Variants in NAA35 observed in about 807,000 individuals in gnomAD.
NAA35 encodes the protein MAK10 homolog, amino-acid N-acetyltransferase subunit.
Under a neutral mutation model 101.7 loss-of-function variants are expected in NAA35, and 18 were observed. That is an observed-to-expected ratio of 0.18 (90% CI 0.12 to 0.26). The LOEUF is 0.26. Among genes scored for constraint, NAA35 ranks in the 10% least tolerant of loss-of-function variants. NAA35 has a pLI of 1.00. For missense variants in NAA35, 601 were observed against 886.8 expected, an observed-to-expected ratio of 0.68 and a Z score of 4.09; for synonymous variants, 267 against 273.1, an observed-to-expected ratio of 0.98 and a Z score of 0.22.
At chr9:86,004,157 T>C (rs1327381401) in intron 13 of NAA35, among the ~76,000 whole-genome samples, 1 of 152,172 alleles carries the variant, frequency 6.6e-6, no homozygotes, top group Non-Finnish European at 1.5e-5. Context: ...CAGGCTGGAG[T>C]GCAGTGGCAT....
At chr9:85,944,449 G>C (rs1828668202) in intron 2 of NAA35, among the ~76,000 whole-genome samples, 1 of 152,220 alleles carries the variant, frequency 6.6e-6, no homozygotes. Flanking sequence ...CCAGATTTGG[G>C]CGTTAAGGCC....
chr9:85,974,329 C>T (rs560861685), intron 6 of NAA35, among the ~76,000 whole-genome samples: 1 of 152,220 alleles, frequency 6.6e-6, no homozygotes, highest in South Asian at 2.1e-4. Context: ...ACTTGTTAAT[C>T]AAATCAGCCA....
At chr9:85,942,335 C>G in intron 2 of NAA35, 52 bp downstream of exon 2, 1 of 1,590,570 alleles carries the variant, frequency 6.3e-7, no homozygotes, top group Non-Finnish European at 8.5e-7. Context: ...GGTAGAATGA[C>G]GATTGTGCTT....
intron 16 of NAA35, 50 bp downstream of exon 16, chr9:86,013,194 T>C: frequency 8.7e-7 from 1 of 1,148,982 alleles, no homozygotes; most frequent in Non-Finnish European, 1.3e-6. Flanking sequence ...GCACACACTT[T>C]GTCCAGATTT....
chr9:86,019,599 A>C (rs1832422525), intron 21 of NAA35, among the ~76,000 whole-genome samples: 1 of 152,212 alleles, frequency 6.6e-6, no homozygotes, highest in South Asian at 2.1e-4. Flanking sequence ...ATATCAAAAT[A>C]AACTTGGAAA....
chr9:86,008,706 G>T (rs1487384556), intron 14 of NAA35, among the ~76,000 whole-genome samples: 1 of 152,298 alleles, frequency 6.6e-6, no homozygotes, highest in African/African-American at 2.4e-5. Flanking sequence ...AAACTTTATT[G>T]TGTGGTAGTC....
At chr9:85,962,571 A>G (rs1829567818) in intron 6 of NAA35, among the ~76,000 whole-genome samples, 1 of 151,812 alleles carries the variant, frequency 6.6e-6, no homozygotes, top group Non-Finnish European at 1.5e-5. Flanking sequence ...TATTTAAATG[A>G]TTTTGTGATA....
intron 10 of NAA35, among the ~76,000 whole-genome samples, chr9:85,977,807 T>G (rs1830276232): frequency 6.6e-6 from 1 of 152,130 alleles, no homozygotes; most frequent in Non-Finnish European, 1.5e-5. Flanking sequence ...ATGGTGAATA[T>G]TTTTTCCTTT....
At chr9:85,999,765 C>A (rs925540096) in intron 12 of NAA35, among the ~76,000 whole-genome samples, 8 of 152,158 alleles carry the variant, frequency 5.3e-5, no homozygotes, top group African/African-American at 9.7e-5. Context: ...GAGCTGCTGT[C>A]CCAAGCAGTT....
intron 9 of NAA35, 90 bp downstream of exon 9, chr9:85,976,825 C>A: frequency 1.0e-6 from 1 of 963,256 alleles, no homozygotes; most frequent in Non-Finnish European, 1.6e-6. Context: ...TTTATGGAAG[C>A]CCTTTTTAAG....
rs912154852 is a variant in NAA35 at position 85,944,528 on chromosome 9, A to G, written c.124+2245A>G. On this transcript the variant is annotated intron_variant, in intron 2 of 22. Coordinates refer to ENST00000361671, the MANE Select transcript of NAA35 (RefSeq NM_024635.4). ...AGAACAAATAAGTTCATGTTGCTGG[A>G]GAGGTGAAAGAAACAAGAGAGATGA... Among the ~76,000 whole-genome samples the G allele has an allele frequency of 2.5e-4, 38 of 152,196 alleles. 1 individual carries two copies. The highest frequency in any genetic ancestry group is 3.1e-4 in the Non-Finnish European group (21 of 68,034).
At chr9:85,964,291 C>A (rs1382430898) in intron 6 of NAA35, among the ~76,000 whole-genome samples, 1 of 151,902 alleles carries the variant, frequency 6.6e-6, no homozygotes. Flanking sequence ...CCTGCTCATG[C>A]TCTCTCTCAT....
chr9:85,964,312 A>G (rs139064831), intron 6 of NAA35, among the ~76,000 whole-genome samples: 1 of 152,230 alleles, frequency 6.6e-6, no homozygotes, highest in African/African-American at 2.4e-5. Context: ...GTATATATGT[A>G]TGTATGTCTT....
chr9:86,018,106 G>A, intron 19 of NAA35, 149 bp from the exon 20 acceptor site: 1 of 666,904 alleles, frequency 1.5e-6, no homozygotes. Context: ...AATAGGACCT[G>A]TGCTTATGAC....
Position 85,959,784 on chromosome 9 carries a change from C to A in NAA35, c.274-9C>A. 1 of 1,600,120 alleles carries A rather than the reference C, an allele frequency of 6.2e-7. No individual in the cohort carries two copies. The highest frequency in any genetic ancestry group is 8.5e-7 in the Non-Finnish European group (1 of 1,173,028). ...TCTGCTTATATGTCACATTCTTCCT[C>A]CTTTTTAGGATGGCACTATTAAAAT... On this transcript the variant is annotated splice_polypyrimidine_tract_variant and intron_variant, in intron 4 of 22. Transcript: ENST00000361671.
chr9:86,024,386 G>GA lies in NAA35; in HGVS notation c.*2427dup, dbSNP rs1470561755. 6.6e-6 allele frequency among the ~76,000 whole-genome samples: 1 copy of GA among 152,176 alleles called. No homozygotes were observed. Among genetic ancestry groups the GA allele is most frequent in the Non-Finnish European group, 1.5e-5 (1 of 68,038 alleles). On this transcript the variant is annotated 3_prime_UTR_variant, in exon 23 of 23. Transcript: ENST00000361671. ...GAGAAGCCGATACCCAAAACCCTGG[G>GA]AGGCCACAGGTTAAAGATTTTGGAC... is the stretch of plus-strand genomic sequence containing the variant.
intron 1 of NAA35, chr9:85,941,673 C>T: frequency 1.0e-6 from 1 of 986,172 alleles, no homozygotes; most frequent in Non-Finnish European, 1.2e-6. Context: ...TTGCTCCCGG[C>T]GAGGTTCTGC....
chr9:85,944,461 T>C (rs1361281375), intron 2 of NAA35, among the ~76,000 whole-genome samples: 1 of 152,198 alleles, frequency 6.6e-6, no homozygotes, highest in African/African-American at 2.4e-5. Flanking sequence ...GTTAAGGCCT[T>C]GGACTAGGCC....
chr9:85,992,447 G>A (rs1406693968), intron 11 of NAA35, among the ~76,000 whole-genome samples: 3 of 152,158 alleles, frequency 2.0e-5, no homozygotes, highest in Non-Finnish European at 4.4e-5. Context: ...GGGAAAGGGA[G>A]TAACTACAAT....
Sources: allele counts gnomAD v4.1 joint callset (sites outside exome capture counted in the v4.1 genomes callset), GRCh38; gene constraint gnomAD v4.1.1; transcripts MANE v1.5; gene names NCBI Gene and HGNC (gene_info 2026-07-23, HGNC 2026-07-21).